Variants in SNX9 observed in about 807,000 individuals in gnomAD.
The protein encoded by SNX9 is sorting nexin 9.
In SNX9, 44 loss-of-function variants were observed where a neutral mutation model predicts 89.4. The observed-to-expected ratio is 0.49, with a 90% CI of 0.39 to 0.63. SNX9 has a LOEUF of 0.63. Ranked by LOEUF, SNX9 falls within the 30% of genes least tolerant of loss-of-function variation. SNX9 has a pLI of 0.00. For synonymous variants in SNX9, 236 were observed against 247.8 expected (o/e 0.95, Z 0.45); for missense variants, 578 against 736.1 (o/e 0.79, Z 2.49).
chr6:157,892,964 C>T (rs560859097), intron 4 of SNX9, among the ~76,000 whole-genome samples: 30 of 152,284 alleles, frequency 2.0e-4, no homozygotes, highest in Admixed American at 1.6e-3. Context: ...CCTCCGAGCC[C>T]CTCCATTTCA....
In SNX9 at chr6:157,943,677, G is replaced by A. The variant is rs1358343991; in HGVS notation, c.*839G>A. On this transcript the variant is annotated 3_prime_UTR_variant, in exon 18 of 18. Coordinates refer to ENST00000392185, the MANE Select transcript of SNX9 (RefSeq NM_016224.5). Reference sequence around the variant, plus strand: ...ACTTTGTAGAGAATTTTGTGGCTTTGGTCCAACGGGTGAGTGGCTGTGCGG... The same window carrying A: ...ACTTTGTAGAGAATTTTGTGGCTTTAGTCCAACGGGTGAGTGGCTGTGCGG... 1 of 152,474 alleles carries A rather than the reference G, an allele frequency of 6.6e-6. No individual in the cohort carries two copies. Among genetic ancestry groups the A allele is most frequent in the Non-Finnish European group, 1.5e-5 (1 of 68,220 alleles). 9.4% of individuals were successfully genotyped at this position (152,474 alleles called of 1,614,324 possible). A position where few individuals can be genotyped will look rare whatever the true frequency, so the allele number is the denominator to read the frequency against.
chr6:157,921,651 G>A lies in SNX9; in HGVS notation c.1070G>A (p.Arg357Gln), dbSNP rs760092132. The change falls in exon 10 of 18, where the codon CGA becomes CAA. Residue 357 changes from arginine (R) to glutamine (Q), a missense_variant. Transcript: ENST00000392185. ...SEVFQQFLNF[R>Q]DEKEWKTGKR... ...GTTTTCCAGCAGTTCCTAAATTTCCGAGATGAGAAGGTAGGACATTGTGTT... is the reference window on the plus strand; with the variant it reads ...GTTTTCCAGCAGTTCCTAAATTTCCAAGATGAGAAGGTAGGACATTGTGTT... The A allele has an allele frequency of 2.8e-5, 45 of 1,613,864 alleles. No homozygotes were observed. The highest frequency in any genetic ancestry group is 1.7e-4 in the Middle Eastern group (1 of 6,060).
chr6:157,915,640 A>AAAAATATATATATATATATATATAT (rs1472422303), intron 9 of SNX9, among the ~76,000 whole-genome samples: 1 of 95,144 alleles, frequency 1.1e-5, no homozygotes, highest in Non-Finnish European at 2.1e-5. Context: ...AAAAAAAAAA[A>AAAAATATATATATATATATATATAT]ATATATATAT....
At position 157,826,815 on chromosome 6, in the gene SNX9, AAT is replaced by A. The variant is rs1314017008; in HGVS notation, c.12+3376_12+3377del. Among the ~76,000 whole-genome samples, 22 of 107,390 alleles carry A rather than the reference AAT, an allele frequency of 2.0e-4. 3 individuals are homozygous for A. The East Asian group carries it at 2.3e-3, about 11-fold the overall frequency. 70.5% of individuals were successfully genotyped at this position (107,390 alleles called of 152,430 possible). A position where few individuals can be genotyped will look rare whatever the true frequency, so the allele number is the denominator to read the frequency against. On this transcript the variant is annotated intron_variant, in intron 1 of 17. Coordinates refer to ENST00000392185, the MANE Select transcript of SNX9 (RefSeq NM_016224.5). The stretch of plus-strand genomic sequence containing the variant: ...ATATATATATTATATTTTATATATA[AAT>A]ATATATTATATTTTATATATATATT...
intron 1 of SNX9, among the ~76,000 whole-genome samples, chr6:157,836,328 A>T (rs562768229): frequency 1.3e-5 from 2 of 152,204 alleles, no homozygotes; most frequent in Non-Finnish European, 2.9e-5. Context: ...CAAGTATTAA[A>T]TTTTTTTCTC....
At chr6:157,875,612 G>A (rs1473779186) in intron 4 of SNX9, among the ~76,000 whole-genome samples, 4 of 152,298 alleles carry the variant, frequency 2.6e-5, no homozygotes, top group African/African-American at 4.8e-5. Context: ...CTCATCCTGC[G>A]AGTAGAAGCA....
intron 10 of SNX9, among the ~76,000 whole-genome samples, chr6:157,921,964 G>A (rs1783593262): frequency 6.6e-6 from 1 of 152,162 alleles, no homozygotes; most frequent in Non-Finnish European, 1.5e-5. Context: ...TAGGAGGATA[G>A]GCCCCAAACT....
chr6:157,839,633 G>C (rs7743251), intron 1 of SNX9, among the ~76,000 whole-genome samples: 3 of 152,042 alleles, frequency 2.0e-5, no homozygotes, highest in African/African-American at 7.3e-5. Context: ...TTACATCCCC[G>C]TCCTGCTGGG....
At chr6:157,892,649 A>G (rs772735768) in intron 4 of SNX9, 2 of 152,150 alleles carry the variant, frequency 1.3e-5, no homozygotes, top group Non-Finnish European at 2.9e-5. Flanking sequence ...GCCCTAATTA[A>G]ATGGATTTTA....
At chr6:157,875,272 C>T in intron 4 of SNX9, 96 bp downstream of exon 4, 1 of 1,430,636 alleles carries the variant, frequency 7.0e-7, no homozygotes, top group Admixed American at 2.6e-5. Flanking sequence ...TTGCCATTCC[C>T]CAAAAGCAAA....
At chr6:157,831,362 A>G (rs936249916) in intron 1 of SNX9, among the ~76,000 whole-genome samples, 2 of 152,196 alleles carry the variant, frequency 1.3e-5, no homozygotes, top group Non-Finnish European at 2.9e-5. Context: ...TGGAGTCACT[A>G]TATCTTTAAT....
intron 1 of SNX9, among the ~76,000 whole-genome samples, chr6:157,825,813 T>TC (rs965406087): frequency 1.2e-4 from 19 of 152,004 alleles, no homozygotes; most frequent in African/African-American, 4.6e-4. Context: ...TTTCCTCCCT[T>TC]CCCCCATATG....
In SNX9 at chr6:157,867,596, C is replaced by T. The variant is rs140516788; in HGVS notation, c.62C>T (p.Thr21Met). The change falls in exon 2 of 18, where the codon ACG (threonine) becomes ATG (methionine). Residue 21 changes from threonine (T) to methionine (M), a missense_variant. Around this residue, in one of 2 missense-constraint regions of SNX9, gnomAD observed 230 missense variants for 244.7 expected, o/e 0.94. Coordinates refer to ENST00000392185, the MANE Select transcript of SNX9 (RefSeq NM_016224.5). The part of the protein sequence containing the change: ...FAAEPGNNEL[T>M]VNEGEIITIT... ...GCTGAACCTGGAAATAATGAACTGA[C>T]GGTTAATGAAGGAGAAATCATCACA... is the stretch of plus-strand genomic sequence containing the variant. The T allele has an allele frequency of 2.0e-5, 32 of 1,611,974 alleles. No individual in the cohort carries two copies. The highest frequency in any genetic ancestry group is 8.0e-5 in the African/African-American group (6 of 74,848).
rs148533165 is a variant in SNX9 at position 157,910,022 on chromosome 6, A to G, written c.946A>G (p.Thr316Ala). The stretch of plus-strand genomic sequence containing the variant: ...CCCTTCTCTTCCAGACAAACAAGTC[A>G]CAGGTGAGTGTGTGTAATGCTAAAC... ...PIPSLPDKQV[T>A]GRFEEEFIKM... Residue 316 changes from threonine to alanine, a missense_variant, in exon 9 of 18, where the codon ACA becomes GCA. Physicochemically the swap from Thr to Ala is moderately conservative, Grantham distance 58. This residue lies in a region of SNX9 where 348 missense variants were observed against 491.4 expected (regional missense o/e 0.71). Coordinates refer to ENST00000392185, the MANE Select transcript of SNX9 (RefSeq NM_016224.5). The G allele has an allele frequency of 3.7e-6, 6 of 1,610,762 alleles. No individual in the cohort carries two copies. Among genetic ancestry groups the G allele is most frequent in the Non-Finnish European group, 5.1e-6 (6 of 1,177,052 alleles).
chr6:157,828,164 C>T (rs1365113143), intron 1 of SNX9, among the ~76,000 whole-genome samples: 1 of 151,984 alleles, frequency 6.6e-6, no homozygotes, highest in African/African-American at 2.4e-5. Context: ...AAATGCTAAC[C>T]ATTTAACTTT....
At chr6:157,830,902 A>T (rs920909036) in intron 1 of SNX9, among the ~76,000 whole-genome samples, 2 of 152,192 alleles carry the variant, frequency 1.3e-5, no homozygotes, top group Non-Finnish European at 2.9e-5. Flanking sequence ...TCTTTGTGCT[A>T]CATTCTGGAT....
At chr6:157,880,763 C>A (rs1409494600) in intron 4 of SNX9, among the ~76,000 whole-genome samples, 1 of 152,194 alleles carries the variant, frequency 6.6e-6, no homozygotes, top group Non-Finnish European at 1.5e-5. Context: ...TAAGAGGCAA[C>A]CTAGCTTGGT....
In SNX9 at chr6:157,884,384, A is replaced by G. The variant is rs146404132; in HGVS notation, c.300+9208A>G. Among the ~76,000 whole-genome samples, 676 of 152,304 alleles carry G rather than the reference A, an allele frequency of 4.4e-3. 6 individuals carry two copies. The highest frequency in any genetic ancestry group is 0.016 in the African/African-American group (645 of 41,572). The stretch of plus-strand genomic sequence containing the variant: ...TTGCTTTCTTAGTTCTCAAAAGTCT[A>G]TTTTTAGGCCATTTTAGGCCTTTTT... On this transcript the variant is annotated intron_variant, in intron 4 of 17. Transcript: ENST00000392185.
intron 11 of SNX9, among the ~76,000 whole-genome samples, chr6:157,927,530 C>G (rs957753989): frequency 6.6e-6 from 1 of 152,144 alleles, no homozygotes; most frequent in Non-Finnish European, 1.5e-5. Context: ...ACTCAATATT[C>G]AGACAGCAAA....
Sources: allele counts gnomAD v4.1 joint callset (sites outside exome capture counted in the v4.1 genomes callset), GRCh38; gene constraint gnomAD v4.1.1; regional missense constraint gnomAD v4.1.1; transcripts MANE v1.5; gene names NCBI Gene and HGNC (gene_info 2026-07-23, HGNC 2026-07-21).